P3H2: variants seen among roughly 807,000 people sequenced by gnomAD.
P3H2 encodes the protein prolyl 3-hydroxylase 2, also known as leprecan-like 1.
A neutral mutation model predicts 87.0 loss-of-function variants in P3H2; 80 were observed. That is an observed-to-expected ratio of 0.92 (90% CI 0.77 to 1.11). P3H2 has a LOEUF of 1.11. Among genes scored for constraint, P3H2 ranks in the 50% least tolerant of loss-of-function variants. P3H2 has a pLI of 0.00. For missense variants in P3H2, 1,001 were observed against 923.9 expected (o/e 1.08, Z -1.08); for synonymous variants, 367 against 359.3 (o/e 1.02, Z -0.24).
chr3:190,034,394 A>G (rs1023234974), intron 1 of P3H2, among the ~76,000 whole-genome samples: 8 of 152,226 alleles, frequency 5.3e-5, no homozygotes, highest in African/African-American at 1.4e-4. Context: ...TTGGACATTG[A>G]GTTTCACAAT....
intron 1 of P3H2, among the ~76,000 whole-genome samples, chr3:190,051,209 C>G (rs1026618340): frequency 1.3e-5 from 2 of 152,070 alleles, no homozygotes; most frequent in Non-Finnish European, 2.9e-5. Flanking sequence ...CTATTAATAG[C>G]TGGGAGGTTA....
chr3:190,117,763 T>C (rs1358044895), intron 1 of P3H2, among the ~76,000 whole-genome samples: 1 of 116,408 alleles, frequency 8.6e-6, no homozygotes, highest in Non-Finnish European at 1.8e-5. Context: ...GGGAGGGGGG[T>C]GAAGGGGAGA....
At chr3:190,111,832 A>G (rs61610882) in intron 1 of P3H2, among the ~76,000 whole-genome samples, 17,768 of 152,246 alleles carry the variant, frequency 0.12, 1,152 homozygotes, top group Middle Eastern at 0.21. Context: ...TATTCTTGAC[A>G]GCCTCAATGT....
intron 1 of P3H2, among the ~76,000 whole-genome samples, chr3:190,117,889 T>C (rs1233058001): frequency 6.6e-6 from 1 of 152,144 alleles, no homozygotes; most frequent in Non-Finnish European, 1.5e-5. Flanking sequence ...TCCAAGAAAC[T>C]GCCAGAGAAG....
At chr3:189,986,950 G>A (rs774452175) in intron 5 of P3H2, 73 bp from the exon 6 acceptor site, 12 of 1,017,606 alleles carry the variant, frequency 1.2e-5, no homozygotes, top group Non-Finnish European at 1.9e-5. Context: ...ATGTTCAGGT[G>A]GCAATATTTT....
At chr3:190,034,048 G>A (rs977544039) in intron 1 of P3H2, among the ~76,000 whole-genome samples, 18 of 152,232 alleles carry the variant, frequency 1.2e-4, no homozygotes, top group Non-Finnish European at 2.4e-4. Flanking sequence ...GAATACTTTC[G>A]TAAACAATAT....
intron 1 of P3H2, among the ~76,000 whole-genome samples, chr3:190,004,264 TTGTC>T (rs1308494638): frequency 6.6e-6 from 1 of 152,218 alleles, no homozygotes; most frequent in Admixed American, 6.5e-5. Context: ...TTTATTGAGT[TTGTC>T]TGCCCAAGAG....
At chr3:190,081,381 AC>A (rs746507872) in intron 1 of P3H2, among the ~76,000 whole-genome samples, 6 of 152,194 alleles carry the variant, frequency 3.9e-5, no homozygotes, top group Non-Finnish European at 7.4e-5. Flanking sequence ...GTTACCATCA[AC>A]CCTAAAGTAA....
intron 14 of P3H2, 29 bp from the exon 15 acceptor site, chr3:189,958,033 G>A (rs770445806): frequency 2.6e-6 from 4 of 1,518,406 alleles, no homozygotes; most frequent in South Asian, 1.1e-5. Flanking sequence ...ACACATTTCT[G>A]TTACAAGCAT....
chr3:189,995,536 G>C (rs568894829), intron 1 of P3H2, 94 bp from the exon 2 acceptor site: 5 of 1,162,152 alleles, frequency 4.3e-6, no homozygotes, highest in Non-Finnish European at 6.0e-6. Context: ...CACAGTTTAA[G>C]AATGAAACTA....
chr3:190,029,570 G>A (rs1725189543), intron 1 of P3H2, among the ~76,000 whole-genome samples: 1 of 151,652 alleles, frequency 6.6e-6, no homozygotes, highest in Non-Finnish European at 1.5e-5. Context: ...AAAAAAACAT[G>A]CTTAATAATT....
chr3:190,051,627 A>C (rs750746800), intron 1 of P3H2, among the ~76,000 whole-genome samples: 2 of 152,248 alleles, frequency 1.3e-5, no homozygotes, highest in Non-Finnish European at 2.9e-5. Context: ...AAAATCCTCA[A>C]CAATTTAATT....
intron 1 of P3H2, among the ~76,000 whole-genome samples, chr3:190,024,247 C>T (rs546886638): frequency 6.6e-6 from 1 of 152,018 alleles, no homozygotes; most frequent in South Asian, 2.1e-4. Context: ...CTATTTACGA[C>T]AGATGGATTG....
At chr3:190,098,714 T>C (rs1330279196) in intron 1 of P3H2, among the ~76,000 whole-genome samples, 1 of 152,198 alleles carries the variant, frequency 6.6e-6, no homozygotes, top group Non-Finnish European at 1.5e-5. Flanking sequence ...TCAAAATACA[T>C]TGATCATTCA....
chr3:190,024,260 C>CA (rs1725018212), intron 1 of P3H2, among the ~76,000 whole-genome samples: 1 of 151,750 alleles, frequency 6.6e-6, no homozygotes, highest in Non-Finnish European at 1.5e-5. Flanking sequence ...ATGGATTGGC[C>CA]AGGTGCAGTG....
intron 8 of P3H2, among the ~76,000 whole-genome samples, chr3:189,982,267 G>A (rs1215004235): frequency 6.6e-6 from 1 of 152,138 alleles, no homozygotes; most frequent in Non-Finnish European, 1.5e-5. Context: ...ATGAGATGCT[G>A]TTAGTATTAA....
intron 8 of P3H2, 50 bp downstream of exon 8, chr3:189,982,996 C>G (rs1391596885): frequency 7.3e-7 from 1 of 1,371,062 alleles, no homozygotes; most frequent in Admixed American, 1.7e-5. Flanking sequence ...TGGTCAAGCC[C>G]CATCTTCCCC....
At chr3:190,005,556 C>T (rs1301890148) in intron 1 of P3H2, among the ~76,000 whole-genome samples, 1 of 152,208 alleles carries the variant, frequency 6.6e-6, no homozygotes, top group East Asian at 1.9e-4. Context: ...ACTTAACATT[C>T]CACTCAAATC....
intron 1 of P3H2, among the ~76,000 whole-genome samples, chr3:190,041,045 C>T (rs1207152230): frequency 0.25 from 7,865 of 30,880 alleles, 1,276 homozygotes; most frequent in Admixed American, 0.31. Context: ...TATACACACA[C>T]ACACACACAC....
Sources: gnomAD v4.1 joint callset for allele counts (sites outside exome capture counted in the v4.1 genomes callset) on GRCh38, gnomAD v4.1.1 for gene constraint, MANE v1.5 for transcripts, NCBI Gene and HGNC (gene_info 2026-07-23, HGNC 2026-07-21) for gene names.